Variants in CDH18 observed in about 807,000 individuals in gnomAD.
CDH18 encodes cadherin-18.
In CDH18, 31 loss-of-function variants were observed where a neutral mutation model predicts 67.9. That is an observed-to-expected ratio of 0.46 (90% CI 0.34 to 0.62). CDH18 has a LOEUF of 0.62. CDH18 is among the 20% of genes least tolerant of loss of function. The pLI is 0.01. For synonymous variants in CDH18, 362 were observed against 347.2 expected (o/e 1.04, Z -0.48); for missense variants, 890 against 975.5 (o/e 0.91, Z 1.17).
chr5:19,824,256 A>T (rs752150351), intron 3 of CDH18, among the ~76,000 whole-genome samples: 6 of 152,208 alleles, frequency 3.9e-5, no homozygotes, highest in Non-Finnish European at 8.8e-5. Flanking sequence ...GTGAATACTG[A>T]CCCTGCAAGC....
intron 2 of CDH18, among the ~76,000 whole-genome samples, chr5:20,244,629 CATAAAA>C (rs1313309255): frequency 6.6e-6 from 1 of 151,878 alleles, no homozygotes; most frequent in African/African-American, 2.4e-5. Flanking sequence ...GTTTTGGACT[CATAAAA>C]ATAAAGTAAT....
At chr5:20,272,804 T>A (rs549018907) in intron 1 of CDH18, among the ~76,000 whole-genome samples, 35 of 152,188 alleles carry the variant, frequency 2.3e-4, no homozygotes, top group Non-Finnish European at 3.5e-4. Context: ...TAAAATAATT[T>A]TGAGGATGCA....
chr5:19,545,506 TA>T (rs947967237), intron 8 of CDH18, among the ~76,000 whole-genome samples: 14 of 151,974 alleles, frequency 9.2e-5, no homozygotes, highest in African/African-American at 2.2e-4. Context: ...AAACAATTTA[TA>T]AAAAAAATTA....
chr5:19,936,207 T>C (rs1184224695), intron 2 of CDH18, among the ~76,000 whole-genome samples: 1 of 151,346 alleles, frequency 6.6e-6, no homozygotes, highest in African/African-American at 2.4e-5. Context: ...ATTTGTTGCC[T>C]TGTTACTTTT....
chr5:19,866,041 T>C (rs973080365), intron 2 of CDH18, among the ~76,000 whole-genome samples: 2 of 152,094 alleles, frequency 1.3e-5, no homozygotes, highest in East Asian at 1.9e-4. Flanking sequence ...TCTGGATACG[T>C]AGGGAAAGAA....
intron 2 of CDH18, among the ~76,000 whole-genome samples, chr5:19,965,094 G>A (rs558623759): frequency 1.4e-4 from 21 of 152,244 alleles, no homozygotes; most frequent in Middle Eastern, 3.4e-3. Flanking sequence ...GATTATCTAT[G>A]AGTGGGGGGA....
At chr5:19,494,414 T>A (rs1741962941) in intron 11 of CDH18, among the ~76,000 whole-genome samples, 1 of 152,176 alleles carries the variant, frequency 6.6e-6, no homozygotes, top group Non-Finnish European at 1.5e-5. Flanking sequence ...TAGTTTCACC[T>A]ATAATTACTA....
At chr5:20,467,123 C>T (rs73764060) in intron 1 of CDH18, among the ~76,000 whole-genome samples, 605 of 152,066 alleles carry the variant, frequency 4.0e-3, no homozygotes, top group African/African-American at 0.014. Context: ...CTATATGGTT[C>T]AATATGACCA....
chr5:20,073,880 G>C (rs1309286641), intron 2 of CDH18, among the ~76,000 whole-genome samples: 1 of 152,006 alleles, frequency 6.6e-6, no homozygotes, highest in Admixed American at 6.6e-5. Flanking sequence ...AGATTTGGTG[G>C]ATGTCTGGGA....
intron 2 of CDH18, among the ~76,000 whole-genome samples, chr5:19,910,418 G>A (rs956501958): frequency 6.6e-6 from 1 of 152,054 alleles, no homozygotes; most frequent in African/African-American, 2.4e-5. Flanking sequence ...ATTATGAACC[G>A]ATGTTGTGGA....
At chr5:19,715,690 T>G (rs1192673312) in intron 5 of CDH18, among the ~76,000 whole-genome samples, 1 of 152,164 alleles carries the variant, frequency 6.6e-6, no homozygotes, top group East Asian at 1.9e-4. Flanking sequence ...AAAATAAATT[T>G]ATATAACTTT....
rs561103361 is a variant in CDH18 at position 19,959,126 on chromosome 5, G to C, written c.-257+21934C>G. Reference sequence around the variant, plus strand: ...GACAAGGCAAAGAAGGATGAAGGGAGGGAAGAGTGAATGAAAAAGAAAAGT... The same window carrying C: ...GACAAGGCAAAGAAGGATGAAGGGACGGAAGAGTGAATGAAAAAGAAAAGT... On this transcript the variant is annotated intron_variant, in intron 2 of 12. Coordinates refer to ENST00000382275, the MANE Select transcript of CDH18 (RefSeq NM_004934.5). Among the ~76,000 whole-genome samples, 10 of 152,154 alleles carry C rather than the reference G, an allele frequency of 6.6e-5. No homozygotes were observed. The South Asian group carries it at 2.1e-3, about 32-fold the overall frequency.
chr5:20,182,193 C>T (rs562271457), intron 2 of CDH18, among the ~76,000 whole-genome samples: 92 of 152,062 alleles, frequency 6.1e-4, no homozygotes, highest in East Asian at 4.3e-3. Context: ...TATACAGTTT[C>T]GATAACTTGT....
At chr5:20,290,806 G>C in intron 1 of CDH18, among the ~76,000 whole-genome samples, 1 of 152,098 alleles carries the variant, frequency 6.6e-6, no homozygotes, top group Middle Eastern at 3.2e-3. Context: ...GGCAGAAGGT[G>C]GAAGTGTGGA....
intron 3 of CDH18, among the ~76,000 whole-genome samples, chr5:19,809,661 T>G (rs1393365455): frequency 6.6e-6 from 1 of 152,284 alleles, no homozygotes; most frequent in East Asian, 1.9e-4. Context: ...TAAAAGGAAA[T>G]ATATGTTTTA....
At chr5:19,709,652 A>G (rs4467709) in intron 5 of CDH18, among the ~76,000 whole-genome samples, 52,071 of 150,040 alleles carry the variant, frequency 0.35, 9,347 homozygotes, top group African/African-American at 0.45. Flanking sequence ...GAAAAAGGAG[A>G]GAAAGAGAGA....
intron 1 of CDH18, among the ~76,000 whole-genome samples, chr5:20,456,923 G>A (rs563574353): frequency 5.9e-5 from 9 of 152,264 alleles, no homozygotes; most frequent in Admixed American, 2.0e-4. Flanking sequence ...ATGTCGGGTT[G>A]ACATTTACGA....
intron 1 of CDH18, among the ~76,000 whole-genome samples, chr5:20,560,749 A>T (rs1224589352): frequency 1.3e-5 from 2 of 152,126 alleles, no homozygotes; most frequent in South Asian, 4.1e-4. Flanking sequence ...TCATAGGTAC[A>T]TAACAAATGT....
intron 1 of CDH18, among the ~76,000 whole-genome samples, chr5:20,451,485 A>G (rs998610771): frequency 6.6e-6 from 1 of 152,202 alleles, no homozygotes; most frequent in Non-Finnish European, 1.5e-5. Flanking sequence ...TTTGGGAATC[A>G]TGGGCTTTCA....
Sources: gnomAD v4.1 joint callset for allele counts (sites outside exome capture counted in the v4.1 genomes callset) on GRCh38, gnomAD v4.1.1 for gene constraint, MANE v1.5 for transcripts, NCBI Gene and HGNC (gene_info 2026-07-23, HGNC 2026-07-21) for gene names.